LTN1: variants seen among roughly 807,000 people sequenced by gnomAD.
LTN1 encodes the protein E3 ubiquitin-protein ligase listerin.
In LTN1, 88 loss-of-function variants were observed where a neutral mutation model predicts 201.2. The ratio of observed to expected loss-of-function variants is 0.44; its 90% confidence interval spans 0.37 to 0.52. LTN1 has a LOEUF of 0.52. LTN1 is among the 20% of genes least tolerant of loss of function. The pLI is 0.00. For synonymous variants in LTN1, 645 were observed against 713.5 expected (o/e 0.90, Z 1.53); for missense variants, 1,752 against 2,038.7 (o/e 0.86, Z 2.71).
At chr21:28,973,821 G>A (rs933881941) in intron 6 of LTN1, among the ~76,000 whole-genome samples, 5 of 152,178 alleles carry the variant, frequency 3.3e-5, no homozygotes, top group African/African-American at 9.7e-5. Flanking sequence ...GGTATTGGGT[G>A]TAAGGATAGA....
Position 28,945,798 on chromosome 21 carries a change from T to C in LTN1, c.3768+9A>G. On this transcript the variant is annotated intron_variant, in intron 21 of 29. Transcript: ENST00000361371. ...CCACAAGAGGTGATGACATATCGGG[T>C]TAATTTACCTCCAACCAAGCCAACA... is the stretch of plus-strand genomic sequence containing the variant. The C allele has an allele frequency of 6.2e-7, 1 of 1,610,636 alleles. No homozygotes were observed. The highest frequency in any genetic ancestry group is 8.5e-7 in the Non-Finnish European group (1 of 1,178,186).
intron 13 of LTN1, 90 bp from the exon 14 acceptor site, chr21:28,958,629 A>AT: frequency 8.7e-6 from 8 of 918,158 alleles, no homozygotes; most frequent in South Asian, 1.9e-5. Flanking sequence ...CAGATCTGAG[A>AT]TTTTTTTAAA....
chr21:28,965,757 A>C (rs1601195201), intron 11 of LTN1, 108 bp downstream of exon 11: 2 of 644,236 alleles, frequency 3.1e-6, no homozygotes, highest in East Asian at 6.3e-5. Flanking sequence ...GTTCTCTAAC[A>C]CAGAACCTGA....
rs201028108 is a variant in LTN1 at position 28,985,289 on chromosome 21, G to A, written c.346-367C>T. On this transcript the variant is annotated intron_variant, in intron 3 of 29. Transcript: ENST00000361371. ...AGCCTGGCCAACATGGTGAAACCCCGTCTCTACTAAAAATACAAAAAATTA... is the reference window on the plus strand; with the variant it reads ...AGCCTGGCCAACATGGTGAAACCCCATCTCTACTAAAAATACAAAAAATTA... Among the ~76,000 whole-genome samples the A allele has an allele frequency of 4.0e-5, 6 of 151,732 alleles. No homozygotes were observed. In the East Asian group the frequency reaches 5.8e-4, roughly 15 times the overall value.
intron 19 of LTN1, 79 bp from the exon 20 acceptor site, chr21:28,946,366 A>G: frequency 1.1e-6 from 1 of 906,484 alleles, no homozygotes; most frequent in Non-Finnish European, 1.6e-6. Flanking sequence ...CACTTTGAGA[A>G]GTAAAAGACT....
At chr21:28,944,183 A>T (rs1011424418) in intron 22 of LTN1, among the ~76,000 whole-genome samples, 200 bp downstream of exon 22, 3 of 152,218 alleles carry the variant, frequency 2.0e-5, no homozygotes, top group Non-Finnish European at 4.4e-5. Flanking sequence ...TGCAACAGTC[A>T]TTGGATACCT....
At chr21:28,964,233 A>G (rs1385925227) in intron 11 of LTN1, among the ~76,000 whole-genome samples, 1 of 152,210 alleles carries the variant, frequency 6.6e-6, no homozygotes, top group African/African-American at 2.4e-5. Context: ...CTTTCATGAA[A>G]GGAAGAGTCA....
In LTN1 at chr21:28,959,644, T is replaced by C; in HGVS notation, c.2407A>G (p.Thr803Ala). 1.2e-6 allele frequency: 2 copies of C among 1,613,582 alleles called. No homozygotes were observed. The highest frequency in any genetic ancestry group is 1.7e-6 in the Non-Finnish European group (2 of 1,179,676). ...VERIIVRLHE[T>A]LFKTKKLSEA... ...GATAATTTCTTTGTTTTGAATAAAG[T>C]TTCATGAAGTCTAACAATGATTCTT... The change falls in exon 13 of 30, where the codon ACT (threonine) becomes GCT (alanine). Residue 803 changes from threonine (T) to alanine (A), a missense_variant. Thr to Ala is a moderately conservative substitution (Grantham distance 58, BLOSUM62 0). Transcript: ENST00000361371.
At chr21:28,952,004 C>G (rs2084386527) in intron 18 of LTN1, among the ~76,000 whole-genome samples, 156 bp downstream of exon 18, 1 of 151,956 alleles carries the variant, frequency 6.6e-6, no homozygotes, top group Non-Finnish European at 1.5e-5. Context: ...AAGGTATGTC[C>G]CTAACCTAAA....
At chr21:28,932,390 T>C in intron 28 of LTN1, 80 bp downstream of exon 28, 3 of 1,103,066 alleles carry the variant, frequency 2.7e-6, no homozygotes, top group Middle Eastern at 4.0e-4. Context: ...GCAGAAAAGA[T>C]ATATTTTATG....
At chr21:28,934,783 C>A (rs534405382) in intron 27 of LTN1, among the ~76,000 whole-genome samples, 107 of 152,144 alleles carry the variant, frequency 7.0e-4, no homozygotes, top group African/African-American at 2.4e-3. Context: ...ATAAATTACC[C>A]AGTTTCAGGC....
chr21:28,965,916 GA>G lies in LTN1; in HGVS notation c.2122-11del. ...TCCATTTCAAGTCCACCTGAAAAAAGAAAAAGAGTTAGAAACAATCTGCTAG... is the reference window on the plus strand; with the variant it reads ...TCCATTTCAAGTCCACCTGAAAAAAGAAAAGAGTTAGAAACAATCTGCTAG... On this transcript the variant is annotated splice_polypyrimidine_tract_variant and intron_variant, in intron 10 of 29. Coordinates refer to ENST00000361371, the MANE Select transcript of LTN1 (RefSeq NM_015565.3). The G allele has an allele frequency of 6.6e-7, 1 of 1,518,628 alleles. No homozygotes were observed. Among genetic ancestry groups the G allele is most frequent in the Non-Finnish European group, 9.0e-7 (1 of 1,109,068 alleles). 94.1% of individuals were successfully genotyped at this position (1,518,628 alleles called of 1,614,324 possible). A position where few individuals can be genotyped will look rare whatever the true frequency, so the allele number is the denominator to read the frequency against.
At chr21:28,952,700 C>G (rs1413096098) in intron 17 of LTN1, among the ~76,000 whole-genome samples, 3 of 152,190 alleles carry the variant, frequency 2.0e-5, no homozygotes, top group African/African-American at 4.8e-5. Flanking sequence ...TCCTCTGATA[C>G]AGCAAAGCAT....
At position 28,986,067 on chromosome 21, in the gene LTN1, A is replaced by T; in HGVS notation, c.345+72T>A. 1.3e-6 allele frequency: 1 copy of T among 773,294 alleles called. No individual in the cohort carries two copies. The highest frequency in any genetic ancestry group is 1.5e-5 in the South Asian group (1 of 67,596). 47.9% of individuals were successfully genotyped at this position (773,294 alleles called of 1,614,324 possible). The stretch of plus-strand genomic sequence containing the variant: ...ACCCTCACCAAAAATCAACATTATA[A>T]ATTTGAGAGTCTCCATGACTCCAAC... On this transcript the variant is annotated intron_variant, in intron 3 of 29. Transcript: ENST00000361371. This position sits in a 1 kb window ranked among gnomAD's most constrained non-coding sequence, Gnocchi z 4.1.
chr21:28,938,812 A>G (rs2146261312), intron 25 of LTN1, among the ~76,000 whole-genome samples: 1 of 152,310 alleles, frequency 6.6e-6, no homozygotes, highest in Non-Finnish European at 1.5e-5. Flanking sequence ...ACTAAAATAA[A>G]AGCCAGACAC....
chr21:28,978,394 C>T (rs1287969239), intron 6 of LTN1, among the ~76,000 whole-genome samples: 1 of 152,038 alleles, frequency 6.6e-6, no homozygotes. Flanking sequence ...AAAAAATAAA[C>T]AGTTTACTAG....
chr21:28,976,133 T>C (rs2084613462), intron 6 of LTN1, among the ~76,000 whole-genome samples: 1 of 151,494 alleles, frequency 6.6e-6, no homozygotes, highest in Non-Finnish European at 1.5e-5. Flanking sequence ...AAAAAAAAAG[T>C]TCTATTTCTT....
intron 18 of LTN1, among the ~76,000 whole-genome samples, chr21:28,947,914 G>A (rs546097092): frequency 3.3e-5 from 5 of 149,516 alleles, no homozygotes; most frequent in Non-Finnish European, 5.9e-5. Flanking sequence ...AGTCAATTGC[G>A]GGGTGCGGTG....
intron 9 of LTN1, among the ~76,000 whole-genome samples, chr21:28,968,584 CA>C (rs1215731509): frequency 6.6e-6 from 1 of 152,036 alleles, no homozygotes; most frequent in East Asian, 1.9e-4. Flanking sequence ...TCATAAATAG[CA>C]ACTTCAAAAT....
Sources: allele counts gnomAD v4.1 joint callset (sites outside exome capture counted in the v4.1 genomes callset), GRCh38; gene constraint gnomAD v4.1.1; non-coding constraint Gnocchi (gnomAD v3.1); transcripts MANE v1.5; gene names NCBI Gene and HGNC (gene_info 2026-07-23, HGNC 2026-07-21).